The following RYK variants were observed in gnomAD, a reference collection of about 807,000 sequenced individuals.
The protein encoded by RYK is inactive tyrosine-protein kinase RYK.
RYK carries 21 observed loss-of-function variants against 70.2 expected under a neutral mutation model. The observed-to-expected ratio is 0.30, with a 90% CI of 0.21 to 0.43. The LOEUF is 0.43. Among genes scored for constraint, RYK ranks in the 20% least tolerant of loss-of-function variants. The pLI, the probability that RYK is intolerant of heterozygous loss-of-function variation, is 1.00. For missense variants in RYK, 604 were observed against 753.3 expected (o/e 0.80, Z 2.32); for synonymous variants, 267 against 278.0 (o/e 0.96, Z 0.39).
chr3:134,191,457 A>C (rs893998745), intron 8 of RYK, among the ~76,000 whole-genome samples: 1 of 152,176 alleles, frequency 6.6e-6, no homozygotes, highest in Non-Finnish European at 1.5e-5. Flanking sequence ...GGAACTAAGG[A>C]CCAAAACCAA....
chr3:134,215,694 T>G (rs188406451), intron 2 of RYK, among the ~76,000 whole-genome samples: 32 of 152,226 alleles, frequency 2.1e-4, no homozygotes, highest in African/African-American at 5.1e-4. Flanking sequence ...ACAAAGAAAT[T>G]TGAACAGCAG....
intron 7 of RYK, among the ~76,000 whole-genome samples, chr3:134,194,343 T>G (rs1227653034): frequency 6.6e-6 from 1 of 152,238 alleles, no homozygotes; most frequent in Non-Finnish European, 1.5e-5. Context: ...TAATTCATTA[T>G]AGTCATTATT....
chr3:134,196,686 T>C (rs1360959667), intron 6 of RYK, among the ~76,000 whole-genome samples: 1 of 151,598 alleles, frequency 6.6e-6, no homozygotes, highest in Non-Finnish European at 1.5e-5. Context: ...CAAGAGCCCA[T>C]ACACAAATCT....
intron 2 of RYK, among the ~76,000 whole-genome samples, chr3:134,217,211 A>G (rs1384593045): frequency 6.6e-6 from 1 of 152,242 alleles, no homozygotes; most frequent in African/African-American, 2.4e-5. Context: ...GATCTCTGGA[A>G]GCAAATATTT....
rs140189788 is a variant in RYK at position 134,185,183 on chromosome 3, C to T, written c.1103-2112G>A. On this transcript the variant is annotated intron_variant, in intron 9 of 14. Transcript: ENST00000623711. ...TAATTTATAAAGCTTCGGACCAATG[C>T]AATAAGAGGAAGAGAGAAATGTAAA... is the stretch of plus-strand genomic sequence containing the variant. 6.2e-4 allele frequency among the ~76,000 whole-genome samples: 94 copies of T among 152,006 alleles called. 1 individual carries two copies. The highest frequency in any genetic ancestry group is 1.7e-3 in the African/African-American group (70 of 41,458).
intron 1 of RYK, among the ~76,000 whole-genome samples, chr3:134,234,648 T>C (rs1299307106): frequency 6.6e-6 from 1 of 152,082 alleles, no homozygotes; most frequent in Non-Finnish European, 1.5e-5. Context: ...TATGCAAAAA[T>C]AGTACTCAGA....
intron 10 of RYK, chr3:134,181,221 C>T (rs2013284031): frequency 2.0e-5 from 3 of 152,108 alleles, no homozygotes; most frequent in South Asian, 2.1e-4. Context: ...CACCTTTGGC[C>T]CTTCTCCCTA....
Position 134,159,224 on chromosome 3 carries a change from CA to C in RYK, c.1712+12del, listed in dbSNP as rs34417497. 6.2e-7 allele frequency: 1 copy of C among 1,613,528 alleles called. No homozygotes were observed. Among genetic ancestry groups the C allele is most frequent in the Non-Finnish European group, 8.5e-7 (1 of 1,179,636 alleles). On this transcript the variant is annotated intron_variant, in intron 14 of 14. Coordinates refer to ENST00000623711, the MANE Select transcript of RYK (RefSeq NM_002958.4). ...GGAATAAAACTCATGCCTTCAAGCTCAAAAAAACTCACAATTCATCAGGACA... is the reference window on the plus strand; with the variant it reads ...GGAATAAAACTCATGCCTTCAAGCTCAAAAAACTCACAATTCATCAGGACA...
intron 5 of RYK, among the ~76,000 whole-genome samples, chr3:134,203,214 G>T (rs886107458): frequency 5.3e-5 from 8 of 152,162 alleles, no homozygotes; most frequent in Non-Finnish European, 1.0e-4. Flanking sequence ...TGGGCATGGT[G>T]GCAGGCACCT....
At chr3:134,221,897 A>G (rs919040669) in intron 2 of RYK, among the ~76,000 whole-genome samples, 3 of 152,170 alleles carry the variant, frequency 2.0e-5, no homozygotes, top group African/African-American at 7.2e-5. Flanking sequence ...AGCAACAAGT[A>G]GCCCAGGCAA....
intron 14 of RYK, 35 bp from the exon 15 acceptor site, chr3:134,158,299 A>G: frequency 7.2e-7 from 1 of 1,385,552 alleles, no homozygotes; most frequent in South Asian, 1.4e-5. Flanking sequence ...TTGGGCTAGT[A>G]AGGATACAGT....
chr3:134,226,909 T>C (rs140430276), intron 1 of RYK, among the ~76,000 whole-genome samples: 3 of 152,106 alleles, frequency 2.0e-5, no homozygotes, highest in African/African-American at 7.2e-5. Context: ...AAGGCAAAGA[T>C]GTCCACTTCC....
intron 1 of RYK, among the ~76,000 whole-genome samples, chr3:134,235,257 T>A (rs74323261): frequency 6.6e-6 from 1 of 152,088 alleles, no homozygotes; most frequent in Non-Finnish European, 1.5e-5. Flanking sequence ...TGAAAAAAAA[T>A]TGAAAATACA....
At chr3:134,165,852 G>A (rs560161718) in intron 13 of RYK, among the ~76,000 whole-genome samples, 3 of 152,242 alleles carry the variant, frequency 2.0e-5, no homozygotes, top group South Asian at 4.1e-4. Flanking sequence ...CTGTATTTTT[G>A]AAGCACATAA....
At chr3:134,206,440 G>A (rs62271185) in intron 5 of RYK, among the ~76,000 whole-genome samples, 2,209 of 147,636 alleles carry the variant, frequency 0.015, 17 homozygotes, top group Non-Finnish European at 0.024. Flanking sequence ...AAAAGGGTTG[G>A]TGGTTTCTGA....
At chr3:134,177,210 T>C (rs1275208028) in intron 11 of RYK, among the ~76,000 whole-genome samples, 1 of 152,186 alleles carries the variant, frequency 6.6e-6, no homozygotes, top group Admixed American at 6.5e-5. Context: ...CCACAGCCTC[T>C]AACCACTTAT....
chr3:134,219,664 C>A (rs1251898528), intron 2 of RYK, among the ~76,000 whole-genome samples: 1 of 152,160 alleles, frequency 6.6e-6, no homozygotes, highest in Admixed American at 6.5e-5. Context: ...AGCTTCTCTG[C>A]CTGAAAGATG....
chr3:134,189,936 A>G lies in RYK; in HGVS notation c.1016-1013T>C, dbSNP rs116202049. Among the ~76,000 whole-genome samples, 447 of 152,268 alleles carry G rather than the reference A, an allele frequency of 2.9e-3. 1 individual carries two copies. Among genetic ancestry groups the G allele is most frequent in the African/African-American group, 0.01 (418 of 41,542 alleles). Reference sequence around the variant, plus strand: ...ATCTCATTTTACTCTTTCTCACTAGAAAATTGTTTACTTTCCTTCCTTCAC... The same window carrying G: ...ATCTCATTTTACTCTTTCTCACTAGGAAATTGTTTACTTTCCTTCCTTCAC... On this transcript the variant is annotated intron_variant, in intron 8 of 14. Transcript: ENST00000623711.
At position 134,184,961 on chromosome 3, in the gene RYK, C is replaced by CAA. The variant is rs34543975; in HGVS notation, c.1103-1892_1103-1891dup. On this transcript the variant is annotated intron_variant, in intron 9 of 14. Coordinates refer to ENST00000623711, the MANE Select transcript of RYK (RefSeq NM_002958.4). ...GCAACATGGTGAAACCCCATCTCTA[C>CAA]AAAAAAAAAAAAAAAAAAAAAAAAT... Among the ~76,000 whole-genome samples the CAA allele has an allele frequency of 2.2e-3, 173 of 79,886 alleles. 1 individual carries two copies. The highest frequency in any genetic ancestry group is 3.4e-3 in the South Asian group (8 of 2,354). The allele number at this position is 79,886 out of a possible 152,430, so 52.4% of individuals were successfully genotyped here.
Sources: allele counts gnomAD v4.1 joint callset (sites outside exome capture counted in the v4.1 genomes callset), GRCh38; gene constraint gnomAD v4.1.1; transcripts MANE v1.5; gene names NCBI Gene and HGNC (gene_info 2026-07-23, HGNC 2026-07-21).